NBAS: variants seen among roughly 807,000 people sequenced by gnomAD.
NBAS encodes the protein NAG/BC035112 fusion.
NBAS carries 219 observed loss-of-function variants against 302.5 expected under a neutral mutation model. The ratio of observed to expected loss-of-function variants is 0.72; its 90% CI spans 0.65 to 0.81. The LOEUF (loss-of-function observed/expected upper bound fraction) is 0.81. Ranked by LOEUF, NBAS falls within the 30% of genes least tolerant of loss-of-function variation. NBAS has a pLI of 0.00. For synonymous variants in NBAS, 1,118 were observed against 1,021.6 expected (o/e 1.09, Z -1.80); for missense variants, 2,932 against 2,841.6 (o/e 1.03, Z -0.72).
chr2:15,420,870 G>A (rs1048035805), intron 23 of NBAS, among the ~76,000 whole-genome samples: 4 of 152,100 alleles, frequency 2.6e-5, no homozygotes, highest in Non-Finnish European at 5.9e-5. Flanking sequence ...AAAATGCCAC[G>A]CAATAATAAA....
Position 15,252,368 on chromosome 2 carries a change from C to A in NBAS, c.5725-13682G>T, listed in dbSNP as rs542283590. The stretch of plus-strand genomic sequence containing the variant: ...ACAAAATTAGCCGGGCGTGGTGGCG[C>A]GTGCCTGTAATCCCAACTACTCAGG... On this transcript the variant is annotated intron_variant, in intron 44 of 51. Coordinates refer to ENST00000281513, the MANE Select transcript of NBAS (RefSeq NM_015909.4). Among the ~76,000 whole-genome samples the A allele has an allele frequency of 1.7e-3, 265 of 151,998 alleles. 1 individual carries two copies. Among genetic ancestry groups the A allele is most frequent in the African/African-American group, 6.0e-3 (249 of 41,470 alleles).
the NBAS span, among the ~76,000 whole-genome samples, chr2:15,067,682 G>A: frequency 6.6e-6 from 1 of 152,028 alleles, no homozygotes; most frequent in South Asian, 2.1e-4. Flanking sequence ...TGGGGGAGGG[G>A]GAAACGTGAA....
chr2:15,156,310 A>AG, the NBAS span, among the ~76,000 whole-genome samples: 1 of 152,198 alleles, frequency 6.6e-6, no homozygotes, highest in African/African-American at 2.4e-5. Context: ...CCTATAGGGC[A>AG]GGGGGATAGG....
the NBAS span, among the ~76,000 whole-genome samples, chr2:14,900,135 C>G: frequency 8.0e-6 from 1 of 124,428 alleles, no homozygotes; most frequent in South Asian, 2.4e-4. Context: ...TTGACTGGTT[C>G]TAGCCAATTC....
chr2:15,040,547 A>T, the NBAS span, among the ~76,000 whole-genome samples: 6 of 152,310 alleles, frequency 3.9e-5, no homozygotes. Flanking sequence ...AAAAACAGCA[A>T]ATAACAGCCA....
chr2:14,842,387 T>C, the NBAS span, among the ~76,000 whole-genome samples: 1 of 151,900 alleles, frequency 6.6e-6, no homozygotes, highest in African/African-American at 2.4e-5. Context: ...GAAAAGTTGG[T>C]TTTTGAAAAG....
Position 15,179,126 on chromosome 2 carries a change from C to T in NBAS, c.6712-10G>A, listed in dbSNP as rs967704371. On this transcript the variant is annotated splice_polypyrimidine_tract_variant and intron_variant, in intron 50 of 51. Coordinates refer to ENST00000281513, the MANE Select transcript of NBAS (RefSeq NM_015909.4). ...ACAGCTCCTTCACACCCTGAAACCA[C>T]AGAGCAGGGGTGAGCGAGAACTCCA... 1 of 1,613,880 alleles carries T rather than the reference C, an allele frequency of 6.2e-7. No homozygotes were observed. The highest frequency in any genetic ancestry group is 1.3e-5 in the African/African-American group (1 of 74,878).
chr2:15,015,432 A>T, the NBAS span, among the ~76,000 whole-genome samples: 1 of 152,236 alleles, frequency 6.6e-6, no homozygotes, highest in Non-Finnish European at 1.5e-5. Context: ...TTAAAAGGTC[A>T]TTCATCATGA....
chr2:15,181,975 G>T (rs1664848109), intron 50 of NBAS, among the ~76,000 whole-genome samples: 3 of 152,228 alleles, frequency 2.0e-5, no homozygotes, highest in Admixed American at 2.0e-4. Flanking sequence ...TTGCCCTCCA[G>T]CAGGCCTAGA....
chr2:14,953,263 T>C, the NBAS span, among the ~76,000 whole-genome samples: 3 of 151,978 alleles, frequency 2.0e-5, no homozygotes, highest in South Asian at 2.1e-4. Flanking sequence ...CATGGTGAAC[T>C]GTATCAGGGA....
At chr2:15,041,825 G>A in the NBAS span, among the ~76,000 whole-genome samples, 11 of 152,174 alleles carry the variant, frequency 7.2e-5, no homozygotes, top group East Asian at 5.8e-4. Context: ...GGGCTCTGCC[G>A]GCTTTGGTGT....
chr2:15,383,420 C>A (rs1038253933), intron 28 of NBAS, 103 bp from the exon 29 acceptor site: 9 of 878,952 alleles, frequency 1.0e-5, no homozygotes, highest in East Asian at 2.5e-5. Context: ...GGTACCACCA[C>A]TCTATATCCA....
the NBAS span, among the ~76,000 whole-genome samples, chr2:15,007,232 C>G: frequency 6.6e-6 from 1 of 152,170 alleles, no homozygotes; most frequent in Admixed American, 6.5e-5. Flanking sequence ...CTAAGGCCAG[C>G]CACTGAGCGC....
chr2:15,488,949 C>T lies in NBAS; in HGVS notation c.1028G>A (p.Ser343Asn), dbSNP rs1572920277. The T allele has an allele frequency of 6.2e-7, 1 of 1,613,896 alleles. No homozygotes were observed. Among genetic ancestry groups the T allele is most frequent in the East Asian group, 2.2e-5 (1 of 44,850 alleles). ...LAAIHFSGKL[S>N]IWAIPSLKQQ... ...CTTCAGAGATGGAATCGCCCAGATGCTCAGTTTCCCTGAGAAGTGAATGGC... is the reference window on the plus strand; with the variant it reads ...CTTCAGAGATGGAATCGCCCAGATGTTCAGTTTCCCTGAGAAGTGAATGGC... The change falls in exon 12 of 52, where the codon AGC (serine) becomes AAC (asparagine). Residue 343 changes from serine (S) to asparagine (N), a missense_variant. Transcript: ENST00000281513.
chr2:15,356,304 T>C lies in NBAS; in HGVS notation c.3930A>G (p.Thr1310=), dbSNP rs2148312206. The change falls in exon 33 of 52, where the codon ACA becomes ACG. Residue 1310 remains threonine (T), a splice_region_variant and synonymous_variant. Coordinates refer to ENST00000281513, the MANE Select transcript of NBAS (RefSeq NM_015909.4). ...GTGTTAAATAAGCTGTCTACTCACCTGTGGCCATCAGCTCCTGACAATGCA... is the reference window on the plus strand; with the variant it reads ...GTGTTAAATAAGCTGTCTACTCACCCGTGGCCATCAGCTCCTGACAATGCA... ...ASMHCQELMA[T]GYPKSWDVCS... is the part of the protein sequence containing the mutation. The C allele has an allele frequency of 1.2e-6, 2 of 1,611,252 alleles. No homozygotes were observed. Among genetic ancestry groups the C allele is most frequent in the South Asian group, 1.1e-5 (1 of 91,042 alleles).
chr2:14,921,365 G>A, the NBAS span, among the ~76,000 whole-genome samples: 27 of 152,156 alleles, frequency 1.8e-4, no homozygotes, highest in Non-Finnish European at 2.8e-4. Flanking sequence ...TAATGAAGAC[G>A]TTTGAAATAT....
At chr2:15,182,496 G>A (rs1408528300) in intron 50 of NBAS, among the ~76,000 whole-genome samples, 4 of 152,148 alleles carry the variant, frequency 2.6e-5, no homozygotes, top group Non-Finnish European at 5.9e-5. Flanking sequence ...TTTAGAAGCT[G>A]GGAATTATTA....
At chr2:15,472,530 C>T (rs1016876255) in intron 16 of NBAS, among the ~76,000 whole-genome samples, 5 of 152,266 alleles carry the variant, frequency 3.3e-5, no homozygotes, top group African/African-American at 1.2e-4. Context: ...GTAGGGGTTT[C>T]CTGCTTCCTA....
At chr2:15,179,270 C>T (rs1324514964) in intron 50 of NBAS, 154 bp from the exon 51 acceptor site, 15 of 1,089,144 alleles carry the variant, frequency 1.4e-5, no homozygotes, top group Middle Eastern at 3.0e-4. Context: ...TGAATATGGG[C>T]GTTGGTACCT....
Sources: allele counts gnomAD v4.1 joint callset (sites outside exome capture counted in the v4.1 genomes callset), GRCh38; gene constraint gnomAD v4.1.1; transcripts MANE v1.5; gene names NCBI Gene and HGNC (gene_info 2026-07-23, HGNC 2026-07-21).